The following NUDT3 variants were observed in gnomAD, a reference collection of about 807,000 sequenced individuals.
NUDT3 encodes the protein diphosphoinositol polyphosphate phosphohydrolase 1.
Under a neutral mutation model 23.6 loss-of-function variants are expected in NUDT3, and 9 were observed. The observed-to-expected ratio is 0.38, with a 90% confidence interval of 0.23 to 0.66. NUDT3 has a LOEUF of 0.66. Among genes scored for constraint, NUDT3 ranks in the 30% least tolerant of loss-of-function variants. The pLI is 0.52. For synonymous variants in NUDT3, 86 were observed against 82.6 expected, an observed-to-expected ratio of 1.04 and a Z score of -0.22; for missense variants, 172 against 218.5, an observed-to-expected ratio of 0.79 and a Z score of 1.34.
rs1055008605 is a variant in NUDT3, at chr6:34,318,923, T to C, written c.210+22939A>G. 4.0e-5 allele frequency among the ~76,000 whole-genome samples: 6 copies of C among 151,832 alleles called. No homozygotes were observed. The East Asian group carries it at 1.2e-3, about 29-fold the overall frequency. ...CTCAGCATATGCTTAGAAGTGAAAG[T>C]GCTAGGGTGAGATATAACCAAAAGA... On this transcript the variant is annotated intron_variant, in intron 2 of 4. Coordinates refer to ENST00000607016, the MANE Select transcript of NUDT3 (RefSeq NM_006703.4).
chr6:34,322,323 C>T (rs1277006859), intron 2 of NUDT3, among the ~76,000 whole-genome samples: 1 of 152,042 alleles, frequency 6.6e-6, no homozygotes, highest in African/African-American at 2.4e-5. Context: ...CTCCGCCTCC[C>T]GGGTTCACGC....
chr6:34,288,128 GA>G lies in NUDT3; in HGVS notation c.*624del, dbSNP rs2113688903. On this transcript the variant is annotated 3_prime_UTR_variant, in exon 5 of 5. Coordinates refer to ENST00000607016, the MANE Select transcript of NUDT3 (RefSeq NM_006703.4). ...GGCAACCTGCCCAGCCACTAGCATC[GA>G]AAACAAAAAGGTATGTTAATTGTGA... 6.6e-6 allele frequency: 1 copy of G among 151,954 alleles called. No individual in the cohort carries two copies. The highest frequency in any genetic ancestry group is 1.5e-5 in the Non-Finnish European group (1 of 67,926). 9.4% of individuals were successfully genotyped at this position (151,954 alleles called of 1,614,324 possible).
chr6:34,353,646 C>T (rs1764513390), intron 1 of NUDT3, among the ~76,000 whole-genome samples: 1 of 151,836 alleles, frequency 6.6e-6, no homozygotes, highest in Non-Finnish European at 1.5e-5. Context: ...TCAAGTGATC[C>T]GCCTGCCTTG....
At chr6:34,316,998 G>A (rs1763871878) in intron 2 of NUDT3, among the ~76,000 whole-genome samples, 1 of 152,184 alleles carries the variant, frequency 6.6e-6, no homozygotes, top group Non-Finnish European at 1.5e-5. Flanking sequence ...GGACCAGGGG[G>A]ATAGTGAGAA....
intron 1 of NUDT3, among the ~76,000 whole-genome samples, chr6:34,383,897 T>C (rs1262518908): frequency 6.6e-6 from 1 of 151,964 alleles, no homozygotes; most frequent in Non-Finnish European, 1.5e-5. Flanking sequence ...AGGAAAGATT[T>C]TGAGAAATGA....
At chr6:34,302,196 T>TA (rs1379839950) in intron 2 of NUDT3, among the ~76,000 whole-genome samples, 1 of 138,610 alleles carries the variant, frequency 7.2e-6, no homozygotes, top group East Asian at 2.0e-4. Flanking sequence ...CACAACTGGC[T>TA]TTTTTTTTTT....
chr6:34,300,678 T>C (rs181189193), intron 2 of NUDT3, among the ~76,000 whole-genome samples: 94 of 152,346 alleles, frequency 6.2e-4, no homozygotes, highest in African/African-American at 2.1e-3. Context: ...CCCAGTGCCC[T>C]GATGCTGTGA....
intron 1 of NUDT3, among the ~76,000 whole-genome samples, chr6:34,384,270 G>A (rs1266727693): frequency 2.6e-5 from 4 of 152,216 alleles, no homozygotes; most frequent in Non-Finnish European, 5.9e-5. Context: ...CCTTTGCCAA[G>A]AGATATAGGG....
In NUDT3 at chr6:34,294,469, G is replaced by GT. The variant is rs1378097782; in HGVS notation, c.256-935dup. Among the ~76,000 whole-genome samples, 3 of 151,728 alleles carry GT rather than the reference G, an allele frequency of 2.0e-5. No homozygotes were observed. The East Asian group carries it at 5.9e-4, about 30-fold the overall frequency. On this transcript the variant is annotated intron_variant, in intron 3 of 4. Transcript: ENST00000607016. ...TTGCCAGGGGCGGTGGCTCATGCTT[G>GT]TAATTCCAGCACTATGGGAGGCCAA...
At chr6:34,322,920 T>C (rs1763968250) in intron 2 of NUDT3, among the ~76,000 whole-genome samples, 1 of 152,172 alleles carries the variant, frequency 6.6e-6, no homozygotes, top group Non-Finnish European at 1.5e-5. Flanking sequence ...TATGCAGCCA[T>C]AACAAAGAAC....
intron 1 of NUDT3, among the ~76,000 whole-genome samples, chr6:34,343,532 C>A (rs576242963): frequency 7.2e-4 from 106 of 146,876 alleles, no homozygotes; most frequent in African/African-American, 2.4e-3. Context: ...CAGAGTGAGA[C>A]CCCCATCTCA....
rs576626006 is a variant in NUDT3 at position 34,357,125 on chromosome 6, C to T, written c.100-15153G>A. ...CAGTATTCTGTTTTAGAAGTACTTA[C>T]TGAAAAATTACAGATAAAATCATAC... On this transcript the variant is annotated intron_variant, in intron 1 of 4. Transcript: ENST00000607016. 3.9e-5 allele frequency among the ~76,000 whole-genome samples: 6 copies of T among 152,128 alleles called. No individual in the cohort carries two copies. The South Asian group carries it at 1.2e-3, about 32-fold the overall frequency.
rs1163695553 is a variant in NUDT3, at chr6:34,351,843, G to C, written c.100-9871C>G. ...GGTGTACAGAGATTGCCTCTGTACAGTGCAATTGGCAGTGCTAAGGATGAG... is the reference window on the plus strand; with the variant it reads ...GGTGTACAGAGATTGCCTCTGTACACTGCAATTGGCAGTGCTAAGGATGAG... On this transcript the variant is annotated intron_variant, in intron 1 of 4. Transcript: ENST00000607016. 1.3e-5 allele frequency among the ~76,000 whole-genome samples: 2 copies of C among 151,522 alleles called. 1 individual carries two copies. The highest frequency in any genetic ancestry group is 2.9e-5 in the Non-Finnish European group (2 of 67,954).
At chr6:34,315,007 G>A (rs1581860521) in intron 2 of NUDT3, among the ~76,000 whole-genome samples, 1 of 152,110 alleles carries the variant, frequency 6.6e-6, no homozygotes, top group Non-Finnish European at 1.5e-5. Context: ...GATCTCTGCC[G>A]CTGGGAAAAT....
chr6:34,381,268 C>T (rs938090336), intron 1 of NUDT3, among the ~76,000 whole-genome samples: 9 of 152,104 alleles, frequency 5.9e-5, no homozygotes, highest in Non-Finnish European at 8.8e-5. Context: ...TCCTCCCACT[C>T]GGCTTCCCAA....
chr6:34,364,898 G>A (rs1053905811), intron 1 of NUDT3, among the ~76,000 whole-genome samples: 1 of 152,136 alleles, frequency 6.6e-6, no homozygotes, highest in Non-Finnish European at 1.5e-5. Context: ...GCGGGTGCCT[G>A]TAGTCCGAGC....
intron 1 of NUDT3, among the ~76,000 whole-genome samples, chr6:34,361,172 G>A (rs888667754): frequency 4.6e-5 from 7 of 152,126 alleles, no homozygotes; most frequent in Admixed American, 1.3e-4. Context: ...GGTGAGCTAT[G>A]ATCACACCAC....
At chr6:34,375,846 A>G (rs1347255061) in intron 1 of NUDT3, among the ~76,000 whole-genome samples, 2 of 152,192 alleles carry the variant, frequency 1.3e-5, no homozygotes, top group African/African-American at 4.8e-5. Flanking sequence ...CATCTTCATT[A>G]TAATTGATGG....
chr6:34,373,695 C>G (rs1363341429), intron 1 of NUDT3, among the ~76,000 whole-genome samples: 1 of 152,206 alleles, frequency 6.6e-6, no homozygotes, highest in Non-Finnish European at 1.5e-5. Context: ...CCACAACACA[C>G]ACGCACTGGT....
Sources: gnomAD v4.1 joint callset for allele counts (sites outside exome capture counted in the v4.1 genomes callset) on GRCh38, gnomAD v4.1.1 for gene constraint, MANE v1.5 for transcripts, NCBI Gene and HGNC (gene_info 2026-07-23, HGNC 2026-07-21) for gene names.